DPYSL5: variants seen among roughly 807,000 people sequenced by gnomAD.
DPYSL5 encodes the protein dihydropyrimidinase-related protein 5.
Under a neutral mutation model 58.4 loss-of-function variants are expected in DPYSL5, and 9 were observed. The ratio of observed to expected loss-of-function variants is 0.15; its 90% CI spans 0.09 to 0.27. The LOEUF is 0.27. DPYSL5 is among the 10% of genes least tolerant of loss of function. The pLI, the probability that DPYSL5 is intolerant of heterozygous loss-of-function variation, is 1.00. For synonymous variants in DPYSL5, 293 were observed against 301.9 expected (o/e 0.97, Z 0.31); for missense variants, 499 against 770.6 (o/e 0.65, Z 4.17).
chr2:26,887,939 C>T (rs1156436048), intron 1 of DPYSL5, among the ~76,000 whole-genome samples: 4 of 152,194 alleles, frequency 2.6e-5, no homozygotes, highest in African/African-American at 4.8e-5. Flanking sequence ...ATCTAGGATT[C>T]GGGATATCCA....
intron 9 of DPYSL5, 132 bp from the exon 10 acceptor site, chr2:26,941,818 T>A (rs906703604): frequency 5.7e-6 from 7 of 1,217,670 alleles, no homozygotes; most frequent in Non-Finnish European, 8.1e-6. Flanking sequence ...ATGGTGCTCA[T>A]GGCCTTGTCC....
At chr2:26,886,253 G>C (rs1663718026) in intron 1 of DPYSL5, among the ~76,000 whole-genome samples, 1 of 152,098 alleles carries the variant, frequency 6.6e-6, no homozygotes, top group African/African-American at 2.4e-5. Context: ...TCACCTAATT[G>C]CTATTAGTCA....
intron 1 of DPYSL5, among the ~76,000 whole-genome samples, chr2:26,871,693 G>T (rs555290373): frequency 6.6e-6 from 1 of 151,784 alleles, no homozygotes; most frequent in Admixed American, 6.6e-5. Flanking sequence ...CACCCGCCTC[G>T]GCCTTCCAAA....
intron 2 of DPYSL5, among the ~76,000 whole-genome samples, chr2:26,907,323 A>T (rs1664321420): frequency 6.6e-6 from 1 of 152,080 alleles, no homozygotes; most frequent in African/African-American, 2.4e-5. Flanking sequence ...CATGTTGGTC[A>T]GGCTAGTCTC....
chr2:26,869,457 C>T (rs1209359858), intron 1 of DPYSL5, among the ~76,000 whole-genome samples: 1 of 152,126 alleles, frequency 6.6e-6, no homozygotes, highest in Non-Finnish European at 1.5e-5. Flanking sequence ...TTTGCAGACA[C>T]TCCCCATTCC....
chr2:26,870,832 A>G (rs1408414521), intron 1 of DPYSL5, among the ~76,000 whole-genome samples: 2 of 152,188 alleles, frequency 1.3e-5, no homozygotes, highest in East Asian at 1.9e-4. Flanking sequence ...AGAGGTAGCT[A>G]TCCTTCCATT....
At chr2:26,929,507 C>T (rs563486443) in intron 5 of DPYSL5, among the ~76,000 whole-genome samples, 1 of 152,232 alleles carries the variant, frequency 6.6e-6, no homozygotes, top group African/African-American at 2.4e-5. Flanking sequence ...GCTGGGATTA[C>T]AGGCGTGAGC....
At chr2:26,860,630 A>T (rs1335945613) in intron 1 of DPYSL5, among the ~76,000 whole-genome samples, 1 of 152,168 alleles carries the variant, frequency 6.6e-6, no homozygotes, top group Non-Finnish European at 1.5e-5. Flanking sequence ...ATTAGACATG[A>T]CCTATCATTG....
chr2:26,883,162 C>G (rs761776251), intron 1 of DPYSL5, among the ~76,000 whole-genome samples: 8 of 152,046 alleles, frequency 5.3e-5, no homozygotes, highest in Non-Finnish European at 7.4e-5. Context: ...TAGCAAATGC[C>G]TTCATAATTC....
chr2:26,856,818 T>C (rs1295458045), intron 1 of DPYSL5, among the ~76,000 whole-genome samples: 1 of 148,026 alleles, frequency 6.8e-6, no homozygotes, highest in Non-Finnish European at 1.5e-5. Flanking sequence ...CCAACTCTTA[T>C]TCTTCAGCAA....
intron 6 of DPYSL5, among the ~76,000 whole-genome samples, chr2:26,932,163 G>GA (rs869043839): frequency 9.9e-5 from 6 of 60,876 alleles, no homozygotes; most frequent in African/African-American, 3.6e-4. Flanking sequence ...AAGAAAGAAA[G>GA]AAAGAAAGAA....
chr2:26,851,843 G>A (rs781515225), intron 1 of DPYSL5, among the ~76,000 whole-genome samples: 25 of 152,184 alleles, frequency 1.6e-4, no homozygotes, highest in Non-Finnish European at 3.5e-4. Context: ...TACTTGGGAG[G>A]AGGCTGAGGT....
At chr2:26,887,085 C>T (rs1663738068) in intron 1 of DPYSL5, among the ~76,000 whole-genome samples, 1 of 152,198 alleles carries the variant, frequency 6.6e-6, no homozygotes, top group Non-Finnish European at 1.5e-5. Context: ...GGCTTAGATG[C>T]CACAGATCCT....
intron 2 of DPYSL5, among the ~76,000 whole-genome samples, chr2:26,921,662 G>A (rs538616093): frequency 1.3e-5 from 2 of 152,324 alleles, no homozygotes; most frequent in African/African-American, 4.8e-5. Flanking sequence ...GGAAACAAGT[G>A]CTTGAACATC....
chr2:26,916,574 C>T (rs189544376), intron 2 of DPYSL5, among the ~76,000 whole-genome samples: 1 of 152,334 alleles, frequency 6.6e-6, no homozygotes, highest in East Asian at 1.9e-4. Flanking sequence ...CTAATCAGAC[C>T]TGCCTCAGCC....
chr2:26,863,739 AC>A (rs1666075618), intron 1 of DPYSL5, among the ~76,000 whole-genome samples: 1 of 151,578 alleles, frequency 6.6e-6, no homozygotes. Context: ...CTCTTCCCCA[AC>A]CCTCCAGCCC....
chr2:26,888,221 C>A (rs1328215560), intron 1 of DPYSL5, among the ~76,000 whole-genome samples: 1 of 98,190 alleles, frequency 1.0e-5, no homozygotes, highest in Admixed American at 1.1e-4. Context: ...TTCTTTCTTT[C>A]TTTCTTTCTT....
rs1318540995 is a variant in DPYSL5 at position 26,925,850 on chromosome 2, T to C, written c.420+805T>C. Among the ~76,000 whole-genome samples the C allele has an allele frequency of 6.6e-6, 1 of 152,234 alleles. No individual in the cohort carries two copies. Among genetic ancestry groups the C allele is most frequent in the Non-Finnish European group, 1.5e-5 (1 of 68,042 alleles). ...CATCAATTATTTATTAAGCCCCATG[T>C]ACCAGTACTTTGGTGGGTGCCCCAG... On this transcript the variant is annotated intron_variant, in intron 3 of 12. Coordinates refer to ENST00000288699, the MANE Select transcript of DPYSL5 (RefSeq NM_020134.4). This position sits in a 1 kb window ranked among gnomAD's most constrained non-coding sequence, Gnocchi z 4.5.
At chr2:26,890,466 G>A (rs889871371) in intron 1 of DPYSL5, among the ~76,000 whole-genome samples, 18 of 152,244 alleles carry the variant, frequency 1.2e-4, no homozygotes, top group African/African-American at 4.3e-4. Flanking sequence ...GGGCTTAGAG[G>A]TCCCAAGACC....
Sources: allele counts gnomAD v4.1 joint callset (sites outside exome capture counted in the v4.1 genomes callset), GRCh38; gene constraint gnomAD v4.1.1; non-coding constraint Gnocchi (gnomAD v3.1); transcripts MANE v1.5; gene names NCBI Gene and HGNC (gene_info 2026-07-23, HGNC 2026-07-21).